Variants in ATRNL1 observed in about 807,000 individuals in gnomAD.
ATRNL1 encodes attractin like 1, also known as attractin-like protein 1.
In ATRNL1, 95 loss-of-function variants were observed where a neutral mutation model predicts 182.7. The observed-to-expected ratio is 0.52, with a 90% CI of 0.44 to 0.62. The LOEUF (loss-of-function observed/expected upper bound fraction) is 0.62, where lower values mean the gene tolerates loss of function less well. Ranked by LOEUF, ATRNL1 falls within the 20% of genes least tolerant of loss-of-function variation. The pLI, the probability that ATRNL1 is intolerant of heterozygous loss-of-function variation, is 0.00. For synonymous variants in ATRNL1, 576 were observed against 568.3 expected, an observed-to-expected ratio of 1.01 and a Z score of -0.19; for missense variants, 1,471 against 1,679.5, an observed-to-expected ratio of 0.88 and a Z score of 2.17.
intron 10 of ATRNL1, among the ~76,000 whole-genome samples, chr10:115,261,632 A>C (rs571139978): frequency 6.6e-6 from 1 of 152,318 alleles, no homozygotes; most frequent in African/African-American, 2.4e-5. Flanking sequence ...AAAAGTGAAA[A>C]TATAATTTGT....
chr10:115,852,218 A>G lies in ATRNL1; in HGVS notation c.4018+4227A>G, dbSNP rs939267785. Among the ~76,000 whole-genome samples, 4 of 152,328 alleles carry G rather than the reference A, an allele frequency of 2.6e-5. No individual in the cohort carries two copies. The South Asian group carries it at 6.2e-4, about 24-fold the overall frequency. ...ATTTTGCCATGATCCTGCCTCATAT[A>G]TGATTGACTATACCATTACCAAAAG... On this transcript the variant is annotated intron_variant, in intron 28 of 28. Transcript: ENST00000355044.
chr10:115,285,339 T>C (rs1022328991), intron 14 of ATRNL1, among the ~76,000 whole-genome samples: 112 of 152,218 alleles, frequency 7.4e-4, no homozygotes, highest in African/African-American at 2.6e-3. Flanking sequence ...AGACCAAAAA[T>C]TTGAGAACAG....
At chr10:115,806,688 T>C (rs1482330416) in intron 27 of ATRNL1, among the ~76,000 whole-genome samples, 1 of 152,174 alleles carries the variant, frequency 6.6e-6, no homozygotes, top group Non-Finnish European at 1.5e-5. Context: ...TGTTTAATGG[T>C]TAAGAAGGTA....
At chr10:115,118,777 A>C (rs1244085019) in intron 1 of ATRNL1, among the ~76,000 whole-genome samples, 2 of 152,118 alleles carry the variant, frequency 1.3e-5, no homozygotes, top group Non-Finnish European at 2.9e-5. Flanking sequence ...CCTCTTAAAG[A>C]ATTTGCAACT....
At chr10:115,702,479 C>T (rs1339590889) in intron 26 of ATRNL1, among the ~76,000 whole-genome samples, 2 of 151,868 alleles carry the variant, frequency 1.3e-5, no homozygotes, top group East Asian at 1.9e-4. Context: ...CAAATTATCT[C>T]GCTTTGCTGA....
rs149785909 is a variant in ATRNL1 at position 115,278,401 on chromosome 10, G to A, written c.2101-2954G>A. Among the ~76,000 whole-genome samples, 682 of 152,254 alleles carry A rather than the reference G, an allele frequency of 4.5e-3. 6 individuals carry two copies. Among genetic ancestry groups the A allele is most frequent in the African/African-American group, 0.016 (644 of 41,548 alleles). On this transcript the variant is annotated intron_variant, in intron 13 of 28. Transcript: ENST00000355044. The stretch of plus-strand genomic sequence containing the variant: ...AGCAGCATTCTGAACCAAGAGCTTC[G>A]GACACCTCCAGCTATCAATGTGAGC...
At chr10:115,625,350 T>C (rs2133815843) in intron 26 of ATRNL1, among the ~76,000 whole-genome samples, 1 of 152,330 alleles carries the variant, frequency 6.6e-6, no homozygotes, top group South Asian at 2.1e-4. Context: ...TGGAATTTTT[T>C]ACTTTGGAAA....
chr10:115,577,306 G>A (rs112440404), intron 26 of ATRNL1, among the ~76,000 whole-genome samples: 6 of 151,834 alleles, frequency 4.0e-5, no homozygotes, highest in African/African-American at 1.4e-4. Context: ...AATCTGCAGA[G>A]CTCTTTGGGT....
chr10:115,353,020 T>G (rs1856335589), intron 19 of ATRNL1, among the ~76,000 whole-genome samples: 1 of 152,252 alleles, frequency 6.6e-6, no homozygotes, highest in East Asian at 1.9e-4. Context: ...CATGTGCTAA[T>G]GAGAAGAATG....
Position 115,241,732 on chromosome 10 carries a change from A to G in ATRNL1, c.1687+7A>G, listed in dbSNP as rs1850431209. The G allele has an allele frequency of 2.5e-6, 4 of 1,603,530 alleles. No individual in the cohort carries two copies. The highest frequency in any genetic ancestry group is 2.6e-6 in the Non-Finnish European group (3 of 1,173,150). ...TTCCTGGCATATGACATAGGTATGT[A>G]TCTGTTAGGATTGTACAAAGTAGGA... is the stretch of plus-strand genomic sequence containing the variant. On this transcript the variant is annotated splice_region_variant and intron_variant, in intron 10 of 28. Transcript: ENST00000355044.
At chr10:115,660,466 A>G (rs1487428840) in intron 26 of ATRNL1, among the ~76,000 whole-genome samples, 1 of 152,154 alleles carries the variant, frequency 6.6e-6, no homozygotes, top group African/African-American at 2.4e-5. Flanking sequence ...GAGGATTGGT[A>G]GTATGGTTTT....
chr10:115,291,410 T>G (rs947187604), intron 15 of ATRNL1, among the ~76,000 whole-genome samples: 2 of 152,194 alleles, frequency 1.3e-5, no homozygotes, highest in African/African-American at 4.8e-5. Context: ...AGAAAGGCTT[T>G]TAGCTTTTCC....
intron 26 of ATRNL1, among the ~76,000 whole-genome samples, chr10:115,710,739 A>G (rs1333479833): frequency 3.3e-5 from 5 of 152,154 alleles, no homozygotes; most frequent in African/African-American, 1.2e-4. Context: ...GGCAAAATGT[A>G]TTCCAAAATG....
intron 8 of ATRNL1, among the ~76,000 whole-genome samples, chr10:115,205,238 T>C (rs1383676586): frequency 1.3e-5 from 2 of 152,090 alleles, no homozygotes; most frequent in African/African-American, 4.8e-5. Flanking sequence ...GTGAGTTTTA[T>C]ACTTTCATAC....
At chr10:115,343,266 ACTTTTGTAG>A (rs1855831147) in intron 19 of ATRNL1, among the ~76,000 whole-genome samples, 1 of 151,920 alleles carries the variant, frequency 6.6e-6, no homozygotes, top group Admixed American at 6.6e-5. Flanking sequence ...TTAGATTTTC[ACTTTTGTAG>A]CTATTCTCTA....
At chr10:115,410,655 T>A (rs538969855) in intron 20 of ATRNL1, among the ~76,000 whole-genome samples, 2 of 152,018 alleles carry the variant, frequency 1.3e-5, no homozygotes, top group Non-Finnish European at 2.9e-5. Flanking sequence ...TATGATAGCA[T>A]TTTGGTGGGT....
rs782210977 is a variant in ATRNL1, at chr10:115,286,231, A to C, written c.2249A>C (p.Glu750Ala). 2.6e-6 allele frequency: 4 copies of C among 1,567,074 alleles called. No individual in the cohort carries two copies. In the African/African-American group the frequency reaches 5.4e-5, roughly 21 times the overall value. Residue 750 changes from glutamate to alanine, a missense_variant, in exon 15 of 29, where the codon GAA becomes GCA. Physicochemically the swap from Glu to Ala is moderately radical, Grantham distance 107. Around this residue, in one of 3 missense-constraint regions of ATRNL1, gnomAD observed 1,031 missense variants for 1,156.0 expected, o/e 0.89. Coordinates refer to ENST00000355044, the MANE Select transcript of ATRNL1 (RefSeq NM_207303.4). ...CQALPAHLCG[E>A]GWSHIGDACL... ...TTCTTACTAGCTCATCTTTGTGGAGAAGGATGGAGTCATATTGGGGATGCT... is the reference window on the plus strand; with the variant it reads ...TTCTTACTAGCTCATCTTTGTGGAGCAGGATGGAGTCATATTGGGGATGCT...
chr10:115,671,299 C>T (rs1555041322), intron 26 of ATRNL1, among the ~76,000 whole-genome samples: 1 of 152,080 alleles, frequency 6.6e-6, no homozygotes, highest in East Asian at 1.9e-4. Context: ...ATCTCCTTTT[C>T]ATCCTGACTC....
intron 26 of ATRNL1, among the ~76,000 whole-genome samples, chr10:115,696,964 A>G (rs1946584918): frequency 6.6e-6 from 1 of 151,596 alleles, no homozygotes; most frequent in Non-Finnish European, 1.5e-5. Flanking sequence ...CACAGTCACT[A>G]TCAGGAGAAC....
Sources: gnomAD v4.1 joint callset for allele counts (sites outside exome capture counted in the v4.1 genomes callset) on GRCh38, gnomAD v4.1.1 for gene constraint, gnomAD v4.1.1 regional missense constraint, MANE v1.5 for transcripts, NCBI Gene and HGNC (gene_info 2026-07-23, HGNC 2026-07-21) for gene names.